The following ZBTB40 variants were observed in gnomAD, a reference collection of about 807,000 sequenced individuals.
ZBTB40 encodes the protein zinc finger and BTB domain-containing protein 40.
ZBTB40 carries 60 observed loss-of-function variants against 117.5 expected under a neutral mutation model. The ratio of observed to expected loss-of-function variants is 0.51; its 90% CI spans 0.41 to 0.63. The LOEUF (loss-of-function observed/expected upper bound fraction) is 0.63, where lower values mean the gene tolerates loss of function less well. Ranked by LOEUF, ZBTB40 falls within the 30% of genes least tolerant of loss-of-function variation. The pLI is 0.00. For synonymous variants in ZBTB40, 525 were observed against 577.1 expected (o/e 0.91, Z 1.29); for missense variants, 1,287 against 1,498.5 (o/e 0.86, Z 2.33).
In ZBTB40 at chr1:22,513,137, C is replaced by T. The variant is rs1201848439; in HGVS notation, c.2668+7C>T. 10 of 1,612,806 alleles carry T rather than the reference C, an allele frequency of 6.2e-6. No homozygotes were observed. Among genetic ancestry groups the T allele is most frequent in the African/African-American group, 5.3e-5 (4 of 74,908 alleles). ...AAGAAGAAGCACTCAGAAGGTAAGG[C>T]GGGGCACAGTTCATTTCTCCTGCAG... On this transcript the variant is annotated splice_region_variant and intron_variant, in intron 12 of 17. Coordinates refer to ENST00000375647, the MANE Select transcript of ZBTB40 (RefSeq NM_014870.4). This position sits in a 1 kb window ranked among gnomAD's most constrained non-coding sequence, Gnocchi z 4.9.
At position 22,471,950 on chromosome 1, in the gene ZBTB40, T is replaced by C. The variant is rs142547754; in HGVS notation, c.-69-17930T>C. The stretch of plus-strand genomic sequence containing the variant: ...AGTGTCAAGAGCGGATGGTGCCCCC[T>C]GGTTCTGGCCAGAGGATATGATTGG... On this transcript the variant is annotated intron_variant, in intron 1 of 17. Coordinates refer to ENST00000375647, the MANE Select transcript of ZBTB40 (RefSeq NM_014870.4). Among the ~76,000 whole-genome samples, 1,356 of 152,334 alleles carry C rather than the reference T, an allele frequency of 8.9e-3. 10 individuals are homozygous for C. Among genetic ancestry groups the C allele is most frequent in the African/African-American group, 0.031 (1,287 of 41,580 alleles).
At position 22,521,492 on chromosome 1, in the gene ZBTB40, G is replaced by A; in HGVS notation, c.3049-4G>A. Reference sequence around the variant, plus strand: ...AGACCTAACACTTGCCAAATTCCTTGCAGCAATTGTCTGGTTTGTGGTACC... The same window carrying A: ...AGACCTAACACTTGCCAAATTCCTTACAGCAATTGTCTGGTTTGTGGTACC... On this transcript the variant is annotated splice_region_variant and splice_polypyrimidine_tract_variant and intron_variant, in intron 14 of 17. Coordinates refer to ENST00000375647, the MANE Select transcript of ZBTB40 (RefSeq NM_014870.4). 2 of 1,614,170 alleles carry A rather than the reference G, an allele frequency of 1.2e-6. No individual in the cohort carries two copies. Among genetic ancestry groups the A allele is most frequent in the South Asian group, 1.1e-5 (1 of 91,076 alleles).
In ZBTB40 at chr1:22,526,113, C is replaced by T. The variant is rs1639669543; in HGVS notation, c.3526-89C>T. On this transcript the variant is annotated intron_variant, in intron 17 of 17. Transcript: ENST00000375647. ...TCTCCTCAGGTGAAAACATAAATAT[C>T]ATCATTACAGCATGAGATGAAAACC... The T allele has an allele frequency of 3.4e-6, 5 of 1,479,806 alleles. No individual in the cohort carries two copies. The African/African-American group carries it at 4.1e-5, about 12-fold the overall frequency. 91.7% of individuals were successfully genotyped at this position (1,479,806 alleles called of 1,614,324 possible). A position where few individuals can be genotyped will look rare whatever the true frequency, so the allele number is the denominator to read the frequency against.
At chr1:22,461,434 C>T (rs1296151836) in intron 1 of ZBTB40, among the ~76,000 whole-genome samples, 1 of 151,942 alleles carries the variant, frequency 6.6e-6, no homozygotes, top group Non-Finnish European at 1.5e-5. Context: ...AGGCTCTTTC[C>T]CAACATTAAC....
intron 1 of ZBTB40, among the ~76,000 whole-genome samples, chr1:22,489,406 C>CGTCCCTT (rs1638560686): frequency 6.6e-6 from 1 of 152,274 alleles, no homozygotes; most frequent in South Asian, 2.1e-4. Flanking sequence ...TGATGACCTC[C>CGTCCCTT]GTCCCTTGTT....
chr1:22,466,544 CT>C (rs1229967031), intron 1 of ZBTB40, among the ~76,000 whole-genome samples: 1 of 152,090 alleles, frequency 6.6e-6, no homozygotes, highest in Admixed American at 6.6e-5. Context: ...CTCAGCAACA[CT>C]TGTATTTTCT....
intron 5 of ZBTB40, among the ~76,000 whole-genome samples, chr1:22,504,521 C>T (rs2124448283): frequency 6.6e-6 from 1 of 152,296 alleles, no homozygotes; most frequent in Admixed American, 6.5e-5. Flanking sequence ...CACCCAAAGA[C>T]ACAGCTGTTT....
chr1:22,438,722 G>A (rs1271076787), intron 1 of ZBTB40, among the ~76,000 whole-genome samples: 1 of 152,132 alleles, frequency 6.6e-6, no homozygotes, highest in Admixed American at 6.5e-5. Flanking sequence ...GTCCTAATGA[G>A]TGTTGACACG....
At chr1:22,518,765 T>C (rs1639442561) in intron 13 of ZBTB40, among the ~76,000 whole-genome samples, 1 of 152,094 alleles carries the variant, frequency 6.6e-6, no homozygotes, top group Non-Finnish European at 1.5e-5. Context: ...TCCAAAAAAA[T>C]CCAGTTACAG....
upstream of ZBTB40, among the ~76,000 whole-genome samples, chr1:22,448,657 G>T (rs914923727): frequency 2.0e-5 from 3 of 152,036 alleles, no homozygotes; most frequent in Non-Finnish European, 4.4e-5. Flanking sequence ...GTATAAAATG[G>T]GGGTAAAAAT....
chr1:22,524,540 T>C (rs1253626329), intron 17 of ZBTB40, 96 bp downstream of exon 17: 2 of 1,342,574 alleles, frequency 1.5e-6, no homozygotes, highest in African/African-American at 2.9e-5. Context: ...AGATACTCTT[T>C]GGGGATCTTG....
At chr1:22,456,891 T>C (rs1037981777) in intron 1 of ZBTB40, among the ~76,000 whole-genome samples, 2 of 152,104 alleles carry the variant, frequency 1.3e-5, no homozygotes, top group African/African-American at 4.8e-5. Context: ...AAGGAGGAGG[T>C]AGTGGAAGCT....
At chr1:22,488,997 A>G (rs1638549099) in intron 1 of ZBTB40, among the ~76,000 whole-genome samples, 1 of 152,186 alleles carries the variant, frequency 6.6e-6, no homozygotes, top group Admixed American at 6.5e-5. Flanking sequence ...CGTATGAGAA[A>G]AAGCAAAAGT....
intron 1 of ZBTB40, among the ~76,000 whole-genome samples, chr1:22,483,316 GAAT>G (rs1638378416): frequency 6.6e-6 from 1 of 152,132 alleles, no homozygotes; most frequent in South Asian, 2.1e-4. Context: ...AATTACCAAG[GAAT>G]GTGATTACTA....
At chr1:22,437,872 T>TC (rs34326395) in intron 1 of ZBTB40, among the ~76,000 whole-genome samples, 140,362 of 151,932 alleles carry the variant, frequency 0.92, 65,830 homozygotes, top group South Asian at 1. Context: ...ACGCCTGTAA[T>TC]CCAGCACTTT....
Position 22,512,118 on chromosome 1 carries a change from AT to A in ZBTB40, c.2448del (p.Phe816LeufsTer12). ...PVTCDLCGRE[F>X]AHASGMQYHK... is the part of the protein sequence containing the mutation. ...TGACATGTGACCTCTGTGGCAGAGAATTTGCCCATGCCTCAGGTACGTTCAA... is the reference window on the plus strand; with the variant it reads ...TGACATGTGACCTCTGTGGCAGAGAATTGCCCATGCCTCAGGTACGTTCAA... On this transcript the variant is annotated frameshift_variant, in exon 11 of 18. Transcript: ENST00000375647. LOFTEE classifies it high-confidence loss of function. The A allele has an allele frequency of 2.5e-6, 4 of 1,613,246 alleles. No individual in the cohort carries two copies. The highest frequency in any genetic ancestry group is 3.4e-6 in the Non-Finnish European group (4 of 1,180,028).
At chr1:22,455,781 C>T (rs935330880) in intron 1 of ZBTB40, among the ~76,000 whole-genome samples, 2 of 151,896 alleles carry the variant, frequency 1.3e-5, no homozygotes, top group Admixed American at 1.3e-4. Flanking sequence ...GGAAAACGAG[C>T]CACACTTTGG....
chr1:22,482,781 T>G (rs528428877), intron 1 of ZBTB40, among the ~76,000 whole-genome samples: 1 of 152,312 alleles, frequency 6.6e-6, no homozygotes, highest in South Asian at 2.1e-4. Context: ...CTTAGAAATA[T>G]GCATTTAAGG....
intron 1 of ZBTB40, among the ~76,000 whole-genome samples, chr1:22,460,254 A>G (rs752001846): frequency 4.9e-4 from 75 of 152,032 alleles, no homozygotes; most frequent in Middle Eastern, 6.8e-3. Context: ...AGCCCGTTAG[A>G]CTCTATTTGG....
Sources: gnomAD v4.1 joint callset for allele counts (sites outside exome capture counted in the v4.1 genomes callset) on GRCh38, gnomAD v4.1.1 for gene constraint, Gnocchi (gnomAD v3.1) non-coding constraint, MANE v1.5 for transcripts, NCBI Gene and HGNC (gene_info 2026-07-23, HGNC 2026-07-21) for gene names.